DHX29: variants seen among roughly 807,000 people sequenced by gnomAD.
The protein encoded by DHX29 is ATP-dependent RNA helicase DHX29.
In DHX29, 79 loss-of-function variants were observed where a neutral mutation model predicts 167.9. That is an observed-to-expected ratio of 0.47 (90% CI 0.39 to 0.57). The LOEUF (loss-of-function observed/expected upper bound fraction) is 0.57, where lower values mean the gene tolerates loss of function less well. Ranked by LOEUF, DHX29 falls within the 20% of genes least tolerant of loss-of-function variation. The pLI is 0.00. For missense variants in DHX29, 1,347 were observed against 1,593.4 expected (o/e 0.85, Z 2.63); for synonymous variants, 530 against 546.0 (o/e 0.97, Z 0.41).
At chr5:55,262,228 C>T (rs1746345324) in intron 24 of DHX29, among the ~76,000 whole-genome samples, 1 of 152,076 alleles carries the variant, frequency 6.6e-6, no homozygotes, top group African/African-American at 2.4e-5. Flanking sequence ...GATACTTGAC[C>T]GAAACTGTTG....
rs754597413 is a variant in DHX29 at position 55,307,608 on chromosome 5, G to A, written c.-35C>T. The A allele has an allele frequency of 4.3e-6, 7 of 1,609,706 alleles. No individual in the cohort carries two copies. The African/African-American group carries it at 9.3e-5, about 21-fold the overall frequency. ...GTGGCAGAAGATCCTTCGCGGCCCA[G>A]GCCCCGACGGTACCACTGCACAGCC... On this transcript the variant is annotated 5_prime_UTR_variant, in exon 1 of 27. Transcript: ENST00000251636.
In DHX29 at chr5:55,298,244, G is replaced by A. The variant is rs1256419118; in HGVS notation, c.261+347C>T. Among the ~76,000 whole-genome samples, 5 of 152,088 alleles carry A rather than the reference G, an allele frequency of 3.3e-5. No individual in the cohort carries two copies. In the East Asian group the frequency reaches 9.6e-4, roughly 29 times the overall value. Reference sequence around the variant, plus strand: ...TAAAAGCTAGAAGTTGTAAAATCACGGATTTAGAAGAACAAATGAGATATT... The same window carrying A: ...TAAAAGCTAGAAGTTGTAAAATCACAGATTTAGAAGAACAAATGAGATATT... On this transcript the variant is annotated intron_variant, in intron 2 of 26. Transcript: ENST00000251636.
At chr5:55,302,400 C>T (rs1382874322) in intron 1 of DHX29, among the ~76,000 whole-genome samples, 2 of 152,052 alleles carry the variant, frequency 1.3e-5, no homozygotes, top group Non-Finnish European at 2.9e-5. Flanking sequence ...AAGAGTAAGA[C>T]TGTAAATTCC....
chr5:55,294,264 C>CCTTCA, intron 5 of DHX29, 119 bp from the exon 6 acceptor site: 1 of 1,002,086 alleles, frequency 1.0e-6, no homozygotes, highest in Admixed American at 3.1e-5. Flanking sequence ...AGCTGTTATT[C>CCTTCA]CTTATTGCTC....
At chr5:55,256,816 G>A (rs1213838657) in intron 26 of DHX29, among the ~76,000 whole-genome samples, 1 of 152,254 alleles carries the variant, frequency 6.6e-6, no homozygotes, top group Non-Finnish European at 1.5e-5. Context: ...AATATGATGT[G>A]AAATGTTACT....
intron 23 of DHX29, among the ~76,000 whole-genome samples, chr5:55,264,577 T>A (rs755421918): frequency 3.3e-5 from 5 of 152,130 alleles, no homozygotes; most frequent in Admixed American, 6.5e-5. Flanking sequence ...AAGGAAGCCA[T>A]CAAAGATTGC....
At position 55,298,638 on chromosome 5, in the gene DHX29, T is replaced by C. The variant is rs1481103724; in HGVS notation, c.214A>G (p.Thr72Ala). 2 of 1,544,262 alleles carry C rather than the reference T, an allele frequency of 1.3e-6. No individual in the cohort carries two copies. Among genetic ancestry groups the C allele is most frequent in the Non-Finnish European group, 1.8e-6 (2 of 1,118,108 alleles). Residue 72 changes from threonine to alanine, a missense_variant, in exon 2 of 27, where the codon ACA (threonine) becomes GCA (alanine). This residue lies in a region of DHX29 where 405 missense variants were observed against 416.8 expected (regional missense o/e 0.97). Transcript: ENST00000251636. ...QGPKIYSFNS[T>A]NDSSGPANLD... ...TTTGCAGGACCACTAGAATCATTTG[T>C]AGAATTAAAACTATAAATTTTTGGA...
intron 6 of DHX29, among the ~76,000 whole-genome samples, chr5:55,291,339 A>G (rs759834320): frequency 6.6e-6 from 1 of 152,202 alleles, no homozygotes; most frequent in Non-Finnish European, 1.5e-5. Context: ...AAGCAAGCAT[A>G]TCTAGCCGAA....
chr5:55,276,545 A>G (rs749989227), intron 13 of DHX29, 139 bp from the exon 14 acceptor site: 37 of 652,096 alleles, frequency 5.7e-5, no homozygotes, highest in Non-Finnish European at 8.1e-5. Context: ...TTTTAGTATT[A>G]TTTGGGAATG....
chr5:55,303,160 C>A (rs1309592554), intron 1 of DHX29, among the ~76,000 whole-genome samples: 2 of 151,384 alleles, frequency 1.3e-5, no homozygotes, highest in Non-Finnish European at 2.9e-5. Context: ...ATAATCTTTT[C>A]TTTTGCTACA....
intron 12 of DHX29, among the ~76,000 whole-genome samples, chr5:55,281,119 C>T (rs1004344262): frequency 8.5e-6 from 1 of 117,186 alleles, no homozygotes; most frequent in Admixed American, 7.9e-5. Context: ...TATATATGTA[C>T]ACACACACAC....
At position 55,256,559 on chromosome 5, in the gene DHX29, A is replaced by G; in HGVS notation, c.4058-19T>C. ...TTGTCATCTGAGTGGAAGGAAAAAA[A>G]AAAGCCACGAATAAATGCAACATTG... On this transcript the variant is annotated intron_variant, in intron 26 of 26. Transcript: ENST00000251636. 6.3e-7 allele frequency: 1 copy of G among 1,580,744 alleles called. No homozygotes were observed. Among genetic ancestry groups the G allele is most frequent in the African/African-American group, 1.4e-5 (1 of 72,912 alleles).
intron 1 of DHX29, among the ~76,000 whole-genome samples, chr5:55,304,437 C>T (rs1172266154): frequency 1.3e-5 from 2 of 151,634 alleles, no homozygotes; most frequent in Non-Finnish European, 2.9e-5. Context: ...TCAGCCTCTC[C>T]GAGTAGCTGG....
chr5:55,256,741 T>C (rs1182980602), intron 26 of DHX29, among the ~76,000 whole-genome samples: 1 of 152,224 alleles, frequency 6.6e-6, no homozygotes, highest in East Asian at 1.9e-4. Flanking sequence ...ATGCCATACC[T>C]AGTTTGACAA....
At chr5:55,287,447 A>G (rs1747794359) in intron 8 of DHX29, among the ~76,000 whole-genome samples, 2 of 152,258 alleles carry the variant, frequency 1.3e-5, no homozygotes, top group South Asian at 4.1e-4. Context: ...TCTCAAAAAA[A>G]ATCCCCCACA....
intron 1 of DHX29, among the ~76,000 whole-genome samples, chr5:55,305,232 C>T (rs899546427): frequency 6.6e-6 from 1 of 152,122 alleles, no homozygotes; most frequent in Admixed American, 6.5e-5. Flanking sequence ...AACTATGATA[C>T]GTCAGTTGTG....
intron 1 of DHX29, among the ~76,000 whole-genome samples, chr5:55,304,816 G>T (rs1302139997): frequency 6.6e-6 from 1 of 152,182 alleles, no homozygotes; most frequent in East Asian, 1.9e-4. Context: ...AAATTGGAAA[G>T]ATAAGGAGGG....
At chr5:55,306,334 G>A (rs577433343) in intron 1 of DHX29, among the ~76,000 whole-genome samples, 59 of 152,074 alleles carry the variant, frequency 3.9e-4, no homozygotes, top group African/African-American at 1.3e-3. Flanking sequence ...CATTACGCCC[G>A]CCTGGAATAC....
rs768383953 is a variant in DHX29, at chr5:55,307,333, GAC to G, written c.187+52_187+53del. On this transcript the variant is annotated intron_variant, in intron 1 of 26. Coordinates refer to ENST00000251636, the MANE Select transcript of DHX29 (RefSeq NM_019030.4). ...CCGGGTTCTAAGGCCCTTTCCTCAG[GAC>G]AAGCAGCAAGGTCTCAGGGCAGACA... is the stretch of plus-strand genomic sequence containing the variant. 388 of 1,511,726 alleles carry G rather than the reference GAC, an allele frequency of 2.6e-4. 1 individual carries two copies. Among genetic ancestry groups the G allele is most frequent in the Non-Finnish European group, 3.3e-4 (366 of 1,106,266 alleles). 93.6% of individuals were successfully genotyped at this position (1,511,726 alleles called of 1,614,324 possible).
Sources: allele counts gnomAD v4.1 joint callset (sites outside exome capture counted in the v4.1 genomes callset), GRCh38; gene constraint gnomAD v4.1.1; regional missense constraint gnomAD v4.1.1; transcripts MANE v1.5; gene names NCBI Gene and HGNC (gene_info 2026-07-23, HGNC 2026-07-21).